Variants in ZNF148 observed in about 807,000 individuals in gnomAD.
ZNF148 encodes Beta-Enolase Repressor Factor-1.
In ZNF148, 7 loss-of-function variants were observed where a neutral mutation model predicts 67.7. That is an observed-to-expected ratio of 0.10 (90% CI 0.06 to 0.19). The LOEUF is 0.19. Among genes scored for constraint, ZNF148 ranks in the 10% least tolerant of loss-of-function variants. The pLI is 1.00. For missense variants in ZNF148, 583 were observed against 947.1 expected (o/e 0.62, Z 5.05); for synonymous variants, 333 against 330.7 (o/e 1.01, Z -0.08).
chr3:125,294,455 A>G, intron 4 of ZNF148, among the ~76,000 whole-genome samples: 1 of 152,250 alleles, frequency 6.6e-6, no homozygotes, highest in Middle Eastern at 3.2e-3. Context: ...AAGTTCATGC[A>G]AACTCTACTA....
At chr3:125,370,469 G>C (rs1355591052) in intron 1 of ZNF148, among the ~76,000 whole-genome samples, 1 of 152,130 alleles carries the variant, frequency 6.6e-6, no homozygotes, top group Non-Finnish European at 1.5e-5. Context: ...AGTTTCCCTA[G>C]AGACTACAGG....
chr3:125,304,787 C>T (rs1370363448), intron 4 of ZNF148, among the ~76,000 whole-genome samples: 5 of 152,128 alleles, frequency 3.3e-5, no homozygotes, highest in African/African-American at 1.2e-4. Flanking sequence ...ATCCCAACTG[C>T]AAGGAGCAGC....
chr3:125,286,893 C>T (rs1457305819), intron 5 of ZNF148, among the ~76,000 whole-genome samples: 1 of 152,120 alleles, frequency 6.6e-6, no homozygotes, highest in African/African-American at 2.4e-5. Flanking sequence ...TCAAAATTTG[C>T]TATTGTAGGC....
intron 1 of ZNF148, among the ~76,000 whole-genome samples, chr3:125,371,511 T>G (rs997517616): frequency 3.4e-5 from 5 of 149,206 alleles, no homozygotes; most frequent in African/African-American, 1.2e-4. Flanking sequence ...ACAAAAAAAT[T>G]AGCCAGGTGT....
intron 4 of ZNF148, among the ~76,000 whole-genome samples, chr3:125,302,230 T>C (rs1442383668): frequency 6.6e-6 from 1 of 151,304 alleles, no homozygotes; most frequent in Non-Finnish European, 1.5e-5. Context: ...TTGTGAACAT[T>C]AGCCAGGCAA....
chr3:125,261,929 G>A (rs1315773238), intron 7 of ZNF148, among the ~76,000 whole-genome samples: 5 of 148,024 alleles, frequency 3.4e-5, no homozygotes, highest in Non-Finnish European at 7.4e-5. Flanking sequence ...ACTCATATAA[G>A]AGAGAAAACA....
intron 7 of ZNF148, among the ~76,000 whole-genome samples, chr3:125,272,738 T>A (rs533837436): frequency 6.6e-6 from 1 of 152,204 alleles, no homozygotes; most frequent in Non-Finnish European, 1.5e-5. Flanking sequence ...TAAGCTTTTA[T>A]ATGTTTTATG....
intron 1 of ZNF148, among the ~76,000 whole-genome samples, chr3:125,343,821 G>A (rs970721259): frequency 6.6e-6 from 1 of 151,894 alleles, no homozygotes; most frequent in Non-Finnish European, 1.5e-5. Context: ...CTCACTGAAC[G>A]CAAAGGTCCA....
intron 1 of ZNF148, among the ~76,000 whole-genome samples, chr3:125,362,756 T>C (rs990255231): frequency 1.3e-5 from 2 of 152,078 alleles, no homozygotes; most frequent in East Asian, 1.9e-4. Flanking sequence ...GGTTTCATCA[T>C]GTTGCCCAGC....
At chr3:125,299,030 C>T (rs1939444354) in intron 4 of ZNF148, among the ~76,000 whole-genome samples, 1 of 152,212 alleles carries the variant, frequency 6.6e-6, no homozygotes, top group East Asian at 1.9e-4. Flanking sequence ...ATATTAGTAG[C>T]TATTTCTTTG....
At chr3:125,363,657 C>T (rs747684482) in intron 1 of ZNF148, among the ~76,000 whole-genome samples, 4 of 147,824 alleles carry the variant, frequency 2.7e-5, no homozygotes, top group Admixed American at 1.4e-4. Context: ...ATACTTCACA[C>T]TTTTTTTTTT....
intron 7 of ZNF148, among the ~76,000 whole-genome samples, chr3:125,267,592 G>A (rs1937562161): frequency 6.6e-6 from 1 of 151,284 alleles, no homozygotes; most frequent in African/African-American, 2.4e-5. Flanking sequence ...AATAATAAGA[G>A]CCATCTATGA....
At position 125,251,839 on chromosome 3, in the gene ZNF148, T is replaced by C. The variant is rs538764282; in HGVS notation, c.668-17510A>G. Among the ~76,000 whole-genome samples, 6 of 152,304 alleles carry C rather than the reference T, an allele frequency of 3.9e-5. No homozygotes were observed. The South Asian group carries it at 1.0e-3, about 26-fold the overall frequency. On this transcript the variant is annotated intron_variant, in intron 7 of 8. Coordinates refer to ENST00000360647, the MANE Select transcript of ZNF148 (RefSeq NM_021964.3). ...AGCTAGGAGTGGAAATGGCAGATCA[T>C]AGGGTTTGTGTATGTTCAGTCTCCA...
chr3:125,333,010 T>C (rs947514378), intron 1 of ZNF148, among the ~76,000 whole-genome samples: 4 of 152,106 alleles, frequency 2.6e-5, no homozygotes, highest in Non-Finnish European at 5.9e-5. Flanking sequence ...GGGAAAAAAA[T>C]GTCTTCACAT....
chr3:125,273,624 G>C (rs1937881513), intron 7 of ZNF148, among the ~76,000 whole-genome samples: 1 of 151,672 alleles, frequency 6.6e-6, no homozygotes, highest in Admixed American at 6.6e-5. Flanking sequence ...CTCCCGAGTA[G>C]CTAGGACTAA....
In ZNF148 at chr3:125,310,989, A is replaced by T. The variant is rs184080901; in HGVS notation, c.333+2319T>A. 5 of 199,326 alleles carry T rather than the reference A, an allele frequency of 2.5e-5. No homozygotes were observed. In the East Asian group the frequency reaches 5.8e-4, roughly 23 times the overall value. The allele number at this position is 199,326 out of a possible 1,614,324, so 12.3% of individuals were successfully genotyped here. A position where few individuals can be genotyped will look rare whatever the true frequency, so the allele number is the denominator to read the frequency against. On this transcript the variant is annotated intron_variant, in intron 4 of 8. Transcript: ENST00000360647. ...TTGCCCCATTCTCTGAGCAGGCCAC[A>T]ACCCTGACTCAGGGATCCACACAGG...
intron 7 of ZNF148, among the ~76,000 whole-genome samples, chr3:125,235,393 A>G (rs1936038118): frequency 6.6e-6 from 1 of 152,160 alleles, no homozygotes; most frequent in Non-Finnish European, 1.5e-5. Flanking sequence ...ACAAACCGAA[A>G]TACCTACCAT....
chr3:125,342,839 G>T (rs1435881733), intron 1 of ZNF148, among the ~76,000 whole-genome samples: 2 of 152,128 alleles, frequency 1.3e-5, no homozygotes, highest in Non-Finnish European at 2.9e-5. Context: ...ATTGGAGAAG[G>T]TGAAAGGTAA....
At chr3:125,278,609 T>C (rs1169020575) in intron 6 of ZNF148, among the ~76,000 whole-genome samples, 2 of 152,136 alleles carry the variant, frequency 1.3e-5, no homozygotes, top group African/African-American at 4.8e-5. Context: ...TATCTTCTAC[T>C]AGCTTCTGGG....
Sources: gnomAD v4.1 joint callset for allele counts (sites outside exome capture counted in the v4.1 genomes callset) on GRCh38, gnomAD v4.1.1 for gene constraint, MANE v1.5 for transcripts, NCBI Gene and HGNC (gene_info 2026-07-23, HGNC 2026-07-21) for gene names.